The following GPR158 variants were observed in gnomAD, a reference collection of about 807,000 sequenced individuals.
GPR158 encodes G protein-coupled receptor 158, also known as metabotropic glycine receptor.
Under a neutral mutation model 78.2 loss-of-function variants are expected in GPR158, and 30 were observed. The observed-to-expected ratio is 0.38, with a 90% confidence interval of 0.29 to 0.52. GPR158 has a LOEUF of 0.52. Among genes scored for constraint, GPR158 ranks in the 20% least tolerant of loss-of-function variants. The pLI is 0.83. For missense variants in GPR158, 1,463 were observed against 1,523.5 expected (o/e 0.96, Z 0.66); for synonymous variants, 581 against 591.1 (o/e 0.98, Z 0.25).
At chr10:25,406,636 T>C (rs1438917538) in intron 3 of GPR158, among the ~76,000 whole-genome samples, 1 of 152,198 alleles carries the variant, frequency 6.6e-6, no homozygotes, top group East Asian at 1.9e-4. Context: ...TTAATAGGAT[T>C]GCAGTATTTT....
chr10:25,233,207 T>G (rs2130697547), intron 2 of GPR158, among the ~76,000 whole-genome samples: 1 of 152,338 alleles, frequency 6.6e-6, no homozygotes, highest in South Asian at 2.1e-4. Context: ...ATCCACTTTA[T>G]TTTTATAGCT....
chr10:25,287,868 A>G (rs973507905), intron 2 of GPR158, among the ~76,000 whole-genome samples: 1 of 152,068 alleles, frequency 6.6e-6, no homozygotes, highest in Non-Finnish European at 1.5e-5. Context: ...CTGCGTCCCA[A>G]GTAGAAGCTG....
chr10:25,446,454 A>G (rs1258736973), intron 4 of GPR158, among the ~76,000 whole-genome samples: 2 of 152,150 alleles, frequency 1.3e-5, no homozygotes, highest in East Asian at 1.9e-4. Flanking sequence ...AATGGGTTAG[A>G]TAGGTTTTTG....
chr10:25,525,394 TGAATG>T (rs1241970751), intron 5 of GPR158, among the ~76,000 whole-genome samples: 1 of 152,166 alleles, frequency 6.6e-6, no homozygotes, highest in East Asian at 1.9e-4. Flanking sequence ...CATTAACTGA[TGAATG>T]GATAAACACA....
chr10:25,313,772 A>G (rs1854804179), intron 2 of GPR158, among the ~76,000 whole-genome samples: 1 of 152,108 alleles, frequency 6.6e-6, no homozygotes, highest in Non-Finnish European at 1.5e-5. Context: ...GATATTGATA[A>G]ATTATATTGA....
chr10:25,412,183 A>G, intron 3 of GPR158, 67 bp from the exon 4 acceptor site: 1 of 1,052,306 alleles, frequency 9.5e-7, no homozygotes, highest in Non-Finnish European at 1.5e-6. Flanking sequence ...ATGTCTTTTG[A>G]CTCTATACTC....
At chr10:25,189,510 G>A (rs1224375826) in intron 1 of GPR158, among the ~76,000 whole-genome samples, 1 of 152,032 alleles carries the variant, frequency 6.6e-6, no homozygotes, top group African/African-American at 2.4e-5. Context: ...GCTGGAAACC[G>A]TCATTCTCAG....
At chr10:25,516,557 A>C (rs1157010269) in intron 5 of GPR158, among the ~76,000 whole-genome samples, 1 of 129,910 alleles carries the variant, frequency 7.7e-6, no homozygotes, top group Non-Finnish European at 1.6e-5. Context: ...ATAAGGTGTA[A>C]GGAAGGGATC....
chr10:25,238,333 A>C (rs1169916947), intron 2 of GPR158, among the ~76,000 whole-genome samples: 2 of 152,266 alleles, frequency 1.3e-5, no homozygotes, highest in Non-Finnish European at 2.9e-5. Flanking sequence ...AGGCATCATT[A>C]GACCGCATAA....
chr10:25,281,577 C>T (rs973114766), intron 2 of GPR158, among the ~76,000 whole-genome samples: 1 of 150,690 alleles, frequency 6.6e-6, no homozygotes, highest in African/African-American at 2.4e-5. Context: ...GACTCTGTCT[C>T]AAAACAACAA....
At chr10:25,546,663 G>A (rs911178921) in intron 5 of GPR158, among the ~76,000 whole-genome samples, 4 of 152,152 alleles carry the variant, frequency 2.6e-5, no homozygotes, top group Admixed American at 6.5e-5. Context: ...GTGCCAGGAC[G>A]CTGCTAGTGC....
At chr10:25,433,559 G>GT (rs1834946520) in intron 4 of GPR158, among the ~76,000 whole-genome samples, 3 of 126,812 alleles carry the variant, frequency 2.4e-5, no homozygotes, top group Non-Finnish European at 5.3e-5. Flanking sequence ...GTGTGTGTGT[G>GT]TGTGTGTGTG....
intron 2 of GPR158, among the ~76,000 whole-genome samples, chr10:25,321,764 A>G (rs1170686858): frequency 6.6e-6 from 1 of 152,130 alleles, no homozygotes; most frequent in Non-Finnish European, 1.5e-5. Context: ...ATTGAGTTGT[A>G]TATAGGTGTC....
chr10:25,247,562 G>A lies in GPR158; in HGVS notation c.1008+26405G>A, dbSNP rs865977627. 5.9e-5 allele frequency among the ~76,000 whole-genome samples: 7 copies of A among 118,004 alleles called. No individual in the cohort carries two copies. In the South Asian group the frequency reaches 1.2e-3, roughly 21 times the overall value. 77.4% of individuals were successfully genotyped at this position (118,004 alleles called of 152,430 possible). ...TTCCCACCTATGAGTGAGAATATGCGGTGTTTGGTTTTTTGTTCTTGCGAT... is the reference window on the plus strand; with the variant it reads ...TTCCCACCTATGAGTGAGAATATGCAGTGTTTGGTTTTTTGTTCTTGCGAT... On this transcript the variant is annotated intron_variant, in intron 2 of 10. Transcript: ENST00000376351.
intron 4 of GPR158, among the ~76,000 whole-genome samples, chr10:25,420,680 T>C (rs1192345834): frequency 3.9e-5 from 6 of 152,206 alleles, no homozygotes; most frequent in African/African-American, 1.4e-4. Context: ...CTTTTTTGCA[T>C]ATGAATTTCC....
intron 2 of GPR158, among the ~76,000 whole-genome samples, chr10:25,337,823 C>G (rs1295809230): frequency 6.6e-6 from 1 of 151,978 alleles, no homozygotes; most frequent in East Asian, 1.9e-4. Flanking sequence ...TAATTTTAGC[C>G]TATCTGATGT....
intron 2 of GPR158, among the ~76,000 whole-genome samples, chr10:25,372,341 A>G (rs190854257): frequency 0.064 from 9,652 of 151,748 alleles, 403 homozygotes; most frequent in South Asian, 0.18. Flanking sequence ...CATTTGACCC[A>G]GCCATCCCAT....
chr10:25,266,357 G>A (rs900510469), intron 2 of GPR158, among the ~76,000 whole-genome samples: 1 of 152,158 alleles, frequency 6.6e-6, no homozygotes, highest in African/African-American at 2.4e-5. Context: ...TACATAGAAG[G>A]TGGAATGGAT....
At chr10:25,446,422 T>C (rs1360630146) in intron 4 of GPR158, among the ~76,000 whole-genome samples, 2 of 152,186 alleles carry the variant, frequency 1.3e-5, no homozygotes, top group African/African-American at 2.4e-5. Flanking sequence ...AAAGCAGTGA[T>C]TGAAAAATAG....
Sources: gnomAD v4.1 joint callset for allele counts (sites outside exome capture counted in the v4.1 genomes callset) on GRCh38, gnomAD v4.1.1 for gene constraint, MANE v1.5 for transcripts, NCBI Gene and HGNC (gene_info 2026-07-23, HGNC 2026-07-21) for gene names.